Variants in GNRHR observed in about 807,000 individuals in gnomAD.
GNRHR encodes gonadotropin-releasing hormone receptor.
Under a neutral mutation model 28.1 loss-of-function variants are expected in GNRHR, and 14 were observed. The observed-to-expected ratio is 0.50, with a 90% CI of 0.33 to 0.78. GNRHR has a LOEUF of 0.78. GNRHR is among the 30% of genes least tolerant of loss of function. GNRHR has a pLI of 0.02. For synonymous variants in GNRHR, 141 were observed against 140.5 expected (o/e 1.00, Z -0.02); for missense variants, 366 against 382.1 (o/e 0.96, Z 0.35).
chr4:67,746,040 G>A (rs1213425298), intron 1 of GNRHR, among the ~76,000 whole-genome samples: 1 of 152,060 alleles, frequency 6.6e-6, no homozygotes, highest in Non-Finnish European at 1.5e-5. Context: ...ATTAAACCGG[G>A]ATAACTTATG....
In GNRHR at chr4:67,753,936, C is replaced by T; in HGVS notation, c.400G>A (p.Val134Met). ...SMYAPAFMMV[V>M]ISLDRSLAIT... Reference sequence around the variant, plus strand: ...GCCAGGGAGCGGTCCAGGCTGATCACCACCATCATGAAGGCTGGGGCATAC... The same window carrying T: ...GCCAGGGAGCGGTCCAGGCTGATCATCACCATCATGAAGGCTGGGGCATAC... The change falls in exon 1 of 3, where the codon GTG becomes ATG. Residue 134 changes from valine (V) to methionine (M), a missense_variant. Physicochemically the swap from Val to Met is conservative, Grantham distance 21 (BLOSUM62 1). Transcript: ENST00000226413. 1 of 1,614,046 alleles carries T rather than the reference C, an allele frequency of 6.2e-7. No individual in the cohort carries two copies. The highest frequency in any genetic ancestry group is 1.1e-5 in the South Asian group (1 of 91,078).
At position 67,751,325 on chromosome 4, in the gene GNRHR, A is replaced by G. The variant is rs1290309731; in HGVS notation, c.522+2489T>C. The stretch of plus-strand genomic sequence containing the variant: ...TAGCTCTCTTATATATGAAATAGGG[A>G]TAATAACACAGCTCCTATTTACCTT... On this transcript the variant is annotated intron_variant, in intron 1 of 2. Transcript: ENST00000226413. 2.6e-5 allele frequency among the ~76,000 whole-genome samples: 4 copies of G among 152,210 alleles called. No homozygotes were observed. The East Asian group carries it at 5.8e-4, about 22-fold the overall frequency.
At chr4:67,752,286 T>TCTGCAACCTCTGCCTCC (rs1487672023) in intron 1 of GNRHR, among the ~76,000 whole-genome samples, 1 of 151,850 alleles carries the variant, frequency 6.6e-6, no homozygotes, top group Non-Finnish European at 1.5e-5. Context: ...ATCATGGCTC[T>TCTGCAACCTCTGCCTCC]CTGCAACCTC....
At chr4:67,750,703 A>G (rs2109986363) in intron 1 of GNRHR, among the ~76,000 whole-genome samples, 1 of 152,196 alleles carries the variant, frequency 6.6e-6, no homozygotes, top group African/African-American at 2.4e-5. Flanking sequence ...ATGTTTGTTA[A>G]GTGTTTTTTT....
At chr4:67,753,676 A>AT in intron 1 of GNRHR, 138 bp downstream of exon 1, 1 of 753,202 alleles carries the variant, frequency 1.3e-6, no homozygotes, top group South Asian at 1.7e-5. Flanking sequence ...CAGAGCCAGA[A>AT]TTAAACTTCA....
rs75869508 is a variant in GNRHR at position 67,746,314 on chromosome 4, A to G, written c.523-1527T>C. On this transcript the variant is annotated intron_variant, in intron 1 of 2. Coordinates refer to ENST00000226413, the MANE Select transcript of GNRHR (RefSeq NM_000406.3). Reference sequence around the variant, plus strand: ...AGAAATATGTATGATTCTTGTAACCATTCTCTGAGTGTCAAATTATTTTTA... The same window carrying G: ...AGAAATATGTATGATTCTTGTAACCGTTCTCTGAGTGTCAAATTATTTTTA... 3.7e-3 allele frequency among the ~76,000 whole-genome samples: 566 copies of G among 152,242 alleles called. 2 individuals are homozygous for G. Among genetic ancestry groups the G allele is most frequent in the Non-Finnish European group, 6.3e-3 (431 of 67,948 alleles).
intron 1 of GNRHR, among the ~76,000 whole-genome samples, chr4:67,752,395 T>TAA (rs1560519557): frequency 2.0e-5 from 3 of 151,508 alleles, no homozygotes; most frequent in African/African-American, 7.3e-5. Flanking sequence ...ATTTTTTTTT[T>TAA]AATAATTTGT....
intron 1 of GNRHR, among the ~76,000 whole-genome samples, chr4:67,750,399 G>A: frequency 6.6e-6 from 1 of 151,990 alleles, no homozygotes; most frequent in Non-Finnish European, 1.5e-5. Context: ...TTTTTGTACT[G>A]TATTTTATTT....
At position 67,744,074 on chromosome 4, in the gene GNRHR, A is replaced by G. The variant is rs574143829; in HGVS notation, c.742+494T>C. 2.0e-5 allele frequency among the ~76,000 whole-genome samples: 3 copies of G among 152,342 alleles called. No individual in the cohort carries two copies. In the East Asian group the frequency reaches 5.8e-4, roughly 29 times the overall value. On this transcript the variant is annotated intron_variant, in intron 2 of 2. Coordinates refer to ENST00000226413, the MANE Select transcript of GNRHR (RefSeq NM_000406.3). The stretch of plus-strand genomic sequence containing the variant: ...CAAAAAAGGTACAAACACATGTGTG[A>G]AGTTTTGAATGAAATAATCATTTAC...
Position 67,742,752 on chromosome 4 carries a change from T to G in GNRHR, c.742+1816A>C, listed in dbSNP as rs905856712. On this transcript the variant is annotated intron_variant, in intron 2 of 2. Coordinates refer to ENST00000226413, the MANE Select transcript of GNRHR (RefSeq NM_000406.3). ...AACAGATAGTGCTATTCAGAAATAG[T>G]CATTCTGAAATTTCTTATTAATTGG... Among the ~76,000 whole-genome samples, 7 of 152,160 alleles carry G rather than the reference T, an allele frequency of 4.6e-5. No homozygotes were observed. In the South Asian group the frequency reaches 1.4e-3, roughly 31 times the overall value.
chr4:67,753,491 G>C (rs777300178), intron 1 of GNRHR: 8 of 260,798 alleles, frequency 3.1e-5, no homozygotes, highest in Non-Finnish European at 5.9e-5. Context: ...GGTCAAGTTT[G>C]AGAATCGCAT....
At position 67,753,995 on chromosome 4, in the gene GNRHR, C is replaced by A; in HGVS notation, c.341G>T (p.Cys114Phe). ...AAGCTTTAGATAACTGAGAACTTTGCAGAGTAACTCTCCAGCATACCATTG... is the reference window on the plus strand; with the variant it reads ...AAGCTTTAGATAACTGAGAACTTTGAAGAGTAACTCTCCAGCATACCATTG... Reference protein sequence around the residue: ...TVQWYAGELLCKVLSYLKLFS... With the variant: ...TVQWYAGELLFKVLSYLKLFS... The change falls in exon 1 of 3, where the codon TGC becomes TTC. Residue 114 changes from cysteine to phenylalanine, a missense_variant. Transcript: ENST00000226413. 6.2e-7 allele frequency: 1 copy of A among 1,613,878 alleles called. No individual in the cohort carries two copies. Among genetic ancestry groups the A allele is most frequent in the Non-Finnish European group, 8.5e-7 (1 of 1,179,752 alleles).
At position 67,753,854 on chromosome 4, in the gene GNRHR, C is replaced by G. The variant is rs200451598; in HGVS notation, c.482G>C (p.Gly161Ala). ...SNSKVGQSMVGLAWILSSVFA... is the reference protein window; with the variant it reads ...SNSKVGQSMVALAWILSSVFA... ...GACACTACTGAGGATCCAGGCCAGG[C>G]CAACCATGGACTGTCCGACTTTGCT... Residue 161 changes from glycine to alanine, a missense_variant, in exon 1 of 3, where the codon GGC becomes GCC. Coordinates refer to ENST00000226413, the MANE Select transcript of GNRHR (RefSeq NM_000406.3). 2 of 1,613,768 alleles carry G rather than the reference C, an allele frequency of 1.2e-6. No homozygotes were observed. The highest frequency in any genetic ancestry group is 2.2e-5 in the East Asian group (1 of 44,856).
intron 1 of GNRHR, among the ~76,000 whole-genome samples, chr4:67,745,314 C>G (rs1397821269): frequency 4.0e-5 from 6 of 151,296 alleles, no homozygotes; most frequent in Non-Finnish European, 8.9e-5. Flanking sequence ...CAAAACAACC[C>G]AGGAACCAGC....
chr4:67,741,639 G>T lies in GNRHR; in HGVS notation c.743-915C>A, dbSNP rs920079342. On this transcript the variant is annotated intron_variant, in intron 2 of 2. Coordinates refer to ENST00000226413, the MANE Select transcript of GNRHR (RefSeq NM_000406.3). Reference sequence around the variant, plus strand: ...AGGAATCTCCACACTGTTTTCCATGGTGGTTGTACTAGTTAACATTCCCAC... The same window carrying T: ...AGGAATCTCCACACTGTTTTCCATGTTGGTTGTACTAGTTAACATTCCCAC... Among the ~76,000 whole-genome samples the T allele has an allele frequency of 2.0e-5, 3 of 152,200 alleles. 1 individual carries two copies. The highest frequency in any genetic ancestry group is 6.8e-3 in the Middle Eastern group (2 of 294).
rs1577867530 is a variant in GNRHR, at chr4:67,743,231, C to A, written c.742+1337G>T. Among the ~76,000 whole-genome samples the A allele has an allele frequency of 2.0e-5, 3 of 152,280 alleles. No homozygotes were observed. The East Asian group carries it at 5.8e-4, about 29-fold the overall frequency. The stretch of plus-strand genomic sequence containing the variant: ...CCTCCCAAAGTGCTGGGATCACAGG[C>A]ATGAGCCACCGCACCTGGCCTTCAC... On this transcript the variant is annotated intron_variant, in intron 2 of 2. Coordinates refer to ENST00000226413, the MANE Select transcript of GNRHR (RefSeq NM_000406.3).
rs1731571865 is a variant in GNRHR at position 67,737,613 on chromosome 4, G to A, written c.*2867C>T. On this transcript the variant is annotated 3_prime_UTR_variant, in exon 3 of 3. Transcript: ENST00000226413. ...CTATGTTCCCTGGTAGATAATGTTT[G>A]TGGTACCTTCCCCAGAGTATTTTTT... Among the ~76,000 whole-genome samples the A allele has an allele frequency of 6.6e-6, 1 of 151,940 alleles. No homozygotes were observed. The highest frequency in any genetic ancestry group is 1.5e-5 in the Non-Finnish European group (1 of 67,862).
chr4:67,744,875 G>A (rs547924422), intron 1 of GNRHR, 88 bp from the exon 2 acceptor site: 1 of 753,466 alleles, frequency 1.3e-6, no homozygotes, highest in African/African-American at 1.7e-5. Context: ...CTTCTAACAT[G>A]TTACCTAAAG....
Position 67,740,556 on chromosome 4 carries a change from A to G in GNRHR, c.911T>C (p.Val304Ala). 1.2e-6 allele frequency: 2 copies of G among 1,606,648 alleles called. No homozygotes were observed. The highest frequency in any genetic ancestry group is 1.7e-6 in the Non-Finnish European group (2 of 1,173,214). ...PEMLNRLSDP[V>A]NHFFFLFAFL... ...GGCAAAGAGAAAGAAGAAGTGATTTACTGGGTCTGACAACCTGTTTAACAT... is the reference window on the plus strand; with the variant it reads ...GGCAAAGAGAAAGAAGAAGTGATTTGCTGGGTCTGACAACCTGTTTAACAT... The change falls in exon 3 of 3, where the codon GTA (valine) becomes GCA (alanine). Residue 304 changes from valine (V) to alanine (A), a missense_variant. By Grantham distance (64) the Val-to-Ala change is moderately conservative (BLOSUM62 0). Coordinates refer to ENST00000226413, the MANE Select transcript of GNRHR (RefSeq NM_000406.3).
Sources: allele counts gnomAD v4.1 joint callset (sites outside exome capture counted in the v4.1 genomes callset), GRCh38; gene constraint gnomAD v4.1.1; transcripts MANE v1.5; gene names NCBI Gene and HGNC (gene_info 2026-07-23, HGNC 2026-07-21).